The following SLC10A6 variants were observed in gnomAD, a reference collection of about 807,000 sequenced individuals.
SLC10A6 encodes solute carrier family 10 member 6, also known as sodium-dependent organic anion transporter.
A neutral mutation model predicts 30.0 loss-of-function variants in SLC10A6; 27 were observed. The observed-to-expected ratio is 0.90, with a 90% CI of 0.66 to 1.24. The LOEUF is 1.24. SLC10A6 is among the 50% of genes most tolerant of loss of function. SLC10A6 has a pLI of 0.00. For synonymous variants in SLC10A6, 166 were observed against 173.8 expected (o/e 0.95, Z 0.36); for missense variants, 439 against 457.0 (o/e 0.96, Z 0.36).
chr4:86,848,089 G>A (rs1746422713), intron 1 of SLC10A6, among the ~76,000 whole-genome samples: 1 of 152,188 alleles, frequency 6.6e-6, no homozygotes, highest in African/African-American at 2.4e-5. Flanking sequence ...AAGGTCACTG[G>A]CTTAAAGGGA....
Position 86,825,593 on chromosome 4 carries a change from T to C in SLC10A6, c.762-16A>G. On this transcript the variant is annotated splice_polypyrimidine_tract_variant and intron_variant, in intron 4 of 5. Transcript: ENST00000273905. ...TGTCCTGCACCTACCAAAAAGAAAA[T>C]GTTTCAAGAGTAACGCACTAGCAAT... 2 of 1,574,176 alleles carry C rather than the reference T, an allele frequency of 1.3e-6. No individual in the cohort carries two copies. Among genetic ancestry groups the C allele is most frequent in the Non-Finnish European group, 1.7e-6 (2 of 1,149,000 alleles).
At chr4:86,844,165 G>A (rs1007086060) in intron 1 of SLC10A6, among the ~76,000 whole-genome samples, 3 of 152,076 alleles carry the variant, frequency 2.0e-5, no homozygotes, top group South Asian at 2.1e-4. Flanking sequence ...GTGACAGAGC[G>A]AGACTCCGTC....
intron 1 of SLC10A6, among the ~76,000 whole-genome samples, chr4:86,847,737 A>G (rs1433099882): frequency 6.6e-6 from 1 of 152,136 alleles, no homozygotes; most frequent in Non-Finnish European, 1.5e-5. Context: ...ACTGATGTCA[A>G]CTCCCAGCTC....
In SLC10A6 at chr4:86,828,147, C is replaced by T. The variant is rs751399581; in HGVS notation, c.607G>A (p.Val203Ile). Residue 203 changes from valine (V) to isoleucine (I), a missense_variant, in exon 4 of 6, where the codon GTC (valine) becomes ATC (isoleucine). Val to Ile is a conservative substitution (Grantham distance 29). Transcript: ENST00000273905. ...ILKIGAVVGG[V>I]LLLVVAVAGV... is the part of the protein sequence containing the mutation. The stretch of plus-strand genomic sequence containing the variant: ...GCAACTGCGACCACCAGAAGGAGGA[C>T]CCCACCAACAACGGCCCCAATCTGA... 2.5e-6 allele frequency: 4 copies of T among 1,612,348 alleles called. No homozygotes were observed. Among genetic ancestry groups the T allele is most frequent in the Non-Finnish European group, 1.7e-6 (2 of 1,179,390 alleles).
At position 86,848,129 on chromosome 4, in the gene SLC10A6, G is replaced by A. The variant is rs368849869; in HGVS notation, c.377+610C>T. ...ATGCGAATCTAGTGATGATGTTAAC[G>A]ATCTGCAAAGCAACAAGAAAGAACA... On this transcript the variant is annotated intron_variant, in intron 1 of 5. Transcript: ENST00000273905. Among the ~76,000 whole-genome samples the A allele has an allele frequency of 7.9e-5, 12 of 152,300 alleles. No individual in the cohort carries two copies. The East Asian group carries it at 1.4e-3, about 17-fold the overall frequency.
chr4:86,841,837 T>G (rs1019678238), intron 1 of SLC10A6, among the ~76,000 whole-genome samples: 6 of 152,202 alleles, frequency 3.9e-5, no homozygotes, highest in Non-Finnish European at 7.3e-5. Context: ...GCTAACCAGA[T>G]GGACACGGAG....
At chr4:86,847,818 T>C (rs2149414554) in intron 1 of SLC10A6, among the ~76,000 whole-genome samples, 1 of 152,248 alleles carries the variant, frequency 6.6e-6, no homozygotes, top group East Asian at 1.9e-4. Context: ...ATGAAACAAA[T>C]ACTTAAATTT....
chr4:86,828,736 C>T (rs1746036339), intron 3 of SLC10A6, among the ~76,000 whole-genome samples: 1 of 152,100 alleles, frequency 6.6e-6, no homozygotes, highest in Non-Finnish European at 1.5e-5. Flanking sequence ...TGATGGAGAC[C>T]TCTATCCTCT....
At chr4:86,833,473 G>T in intron 1 of SLC10A6, 49 bp from the exon 2 acceptor site, 2 of 1,443,026 alleles carry the variant, frequency 1.4e-6, no homozygotes, top group African/African-American at 1.4e-5. Context: ...TGGACATGAA[G>T]AATTTAGTCT....
intron 1 of SLC10A6, among the ~76,000 whole-genome samples, chr4:86,837,279 G>A (rs1269522801): frequency 9.9e-6 from 1 of 100,822 alleles, no homozygotes; most frequent in Non-Finnish European, 2.0e-5. Context: ...AAGAAAGAAA[G>A]AAAGAAAAAG....
chr4:86,845,193 A>G (rs144712762), intron 1 of SLC10A6, among the ~76,000 whole-genome samples: 4 of 152,314 alleles, frequency 2.6e-5, no homozygotes, highest in African/African-American at 9.6e-5. Flanking sequence ...CATATCAGCC[A>G]ACTGCTTTCT....
chr4:86,848,937 G>C lies in SLC10A6; in HGVS notation c.179C>G (p.Ser60Trp), dbSNP rs373465762. The C allele has an allele frequency of 8.7e-6, 14 of 1,613,978 alleles. No homozygotes were observed. In the African/African-American group the frequency reaches 1.1e-4, roughly 12 times the overall value. Residue 60 changes from serine (S) to tryptophan (W), a missense_variant, in exon 1 of 6, where the codon TCG (serine) becomes TGG (tryptophan). Coordinates refer to ENST00000273905, the MANE Select transcript of SLC10A6 (RefSeq NM_197965.3). ...GCSVEIRKLW[S>W]HIRRPWGIAV... ...AATGCCCCAGGGTCTCCTGATGTGCGACCACAGCTTCCGGATCTCCACGGA... is the reference window on the plus strand; with the variant it reads ...AATGCCCCAGGGTCTCCTGATGTGCCACCACAGCTTCCGGATCTCCACGGA...
At chr4:86,833,452 G>T (rs371685668) in intron 1 of SLC10A6, 28 bp from the exon 2 acceptor site, 12 of 1,525,648 alleles carry the variant, frequency 7.9e-6, no homozygotes, top group Non-Finnish European at 1.1e-5. Context: ...ACAATGCTTA[G>T]GAGGGAGCAT....
At chr4:86,830,964 C>T (rs960727244) in intron 3 of SLC10A6, among the ~76,000 whole-genome samples, 24 of 152,174 alleles carry the variant, frequency 1.6e-4, no homozygotes, top group African/African-American at 4.6e-4. Context: ...CTCCTCTTTA[C>T]GTTTTGTTGT....
intron 1 of SLC10A6, among the ~76,000 whole-genome samples, chr4:86,841,860 T>A (rs1453225518): frequency 6.6e-6 from 1 of 152,084 alleles, no homozygotes; most frequent in East Asian, 1.9e-4. Context: ...AGCTATAAGA[T>A]CATACCAACA....
At chr4:86,830,383 G>C (rs1184719683) in intron 3 of SLC10A6, among the ~76,000 whole-genome samples, 1 of 152,188 alleles carries the variant, frequency 6.6e-6, no homozygotes, top group African/African-American at 2.4e-5. Context: ...GAGTGACAGA[G>C]CGAGACCCTA....
At chr4:86,846,480 G>A (rs1297982528) in intron 1 of SLC10A6, among the ~76,000 whole-genome samples, 2 of 152,182 alleles carry the variant, frequency 1.3e-5, no homozygotes, top group Non-Finnish European at 2.9e-5. Flanking sequence ...AGCACTTTGG[G>A]AGGCCGAGAC....
At chr4:86,837,955 T>C (rs1746228969) in intron 1 of SLC10A6, among the ~76,000 whole-genome samples, 1 of 152,210 alleles carries the variant, frequency 6.6e-6, no homozygotes. Context: ...CCTTCAGCAC[T>C]TTATTGGGTC....
intron 1 of SLC10A6, among the ~76,000 whole-genome samples, chr4:86,842,561 G>T (rs1165981281): frequency 6.6e-6 from 1 of 152,018 alleles, no homozygotes; most frequent in Non-Finnish European, 1.5e-5. Flanking sequence ...GTATGATGGC[G>T]CATGCCTATA....
Sources: allele counts gnomAD v4.1 joint callset (sites outside exome capture counted in the v4.1 genomes callset), GRCh38; gene constraint gnomAD v4.1.1; transcripts MANE v1.5; gene names NCBI Gene and HGNC (gene_info 2026-07-23, HGNC 2026-07-21).